Variants in EPB41L3 observed in about 807,000 individuals in gnomAD.
EPB41L3 encodes the protein band 4.1-like protein 3.
EPB41L3 carries 57 observed loss-of-function variants against 127.1 expected under a neutral mutation model. The ratio of observed to expected loss-of-function variants is 0.45; its 90% CI spans 0.36 to 0.56. The LOEUF (loss-of-function observed/expected upper bound fraction) is 0.56, where lower values mean the gene tolerates loss of function less well. Among genes scored for constraint, EPB41L3 ranks in the 20% least tolerant of loss-of-function variants. The probability of loss-of-function intolerance (pLI) is 0.00; values close to 1 mark genes in which losing one functional copy is unlikely to be tolerated. For missense variants in EPB41L3, 1,273 were observed against 1,372.2 expected, an observed-to-expected ratio of 0.93 and a Z score of 1.14; for synonymous variants, 572 against 549.5, an observed-to-expected ratio of 1.04 and a Z score of -0.57.
chr18:5,630,036 G>A (rs567100701), upstream of EPB41L3, among the ~76,000 whole-genome samples: 4 of 152,296 alleles, frequency 2.6e-5, no homozygotes, highest in African/African-American at 9.6e-5. Flanking sequence ...CCGCGCACTA[G>A]CTCTGGGGTT....
chr18:5,404,194 C>A (rs2074987171), intron 16 of EPB41L3, among the ~76,000 whole-genome samples: 1 of 152,194 alleles, frequency 6.6e-6, no homozygotes, highest in South Asian at 2.1e-4. Flanking sequence ...CCCTTTTCCC[C>A]TGGGACTTGA....
At chr18:5,460,485 G>T (rs998386357) in intron 3 of EPB41L3, among the ~76,000 whole-genome samples, 1 of 152,158 alleles carries the variant, frequency 6.6e-6, no homozygotes, top group Non-Finnish European at 1.5e-5. Flanking sequence ...GTATTTGTAC[G>T]TGTGTGTATG....
chr18:5,574,815 C>T (rs150095838), intron 3 of EPB41L3, among the ~76,000 whole-genome samples: 1 of 152,164 alleles, frequency 6.6e-6, no homozygotes, highest in African/African-American at 2.4e-5. Context: ...CAAGACTTTG[C>T]CCCTGTGCAC....
intron 3 of EPB41L3, among the ~76,000 whole-genome samples, chr18:5,602,296 T>C (rs1200575526): frequency 2.6e-5 from 4 of 152,184 alleles, no homozygotes; most frequent in African/African-American, 7.2e-5. Flanking sequence ...CCAGTATTAA[T>C]CATAGCAAAG....
chr18:5,517,005 C>A (rs2092776561), intron 1 of EPB41L3, among the ~76,000 whole-genome samples: 1 of 152,170 alleles, frequency 6.6e-6, no homozygotes, highest in Non-Finnish European at 1.5e-5. Flanking sequence ...CTCACAGATG[C>A]ATGTGAATGT....
chr18:5,472,350 C>T (rs2086310850), intron 3 of EPB41L3, among the ~76,000 whole-genome samples: 1 of 152,288 alleles, frequency 6.6e-6, no homozygotes, highest in East Asian at 1.9e-4. Flanking sequence ...TTCCATCCTC[C>T]AGAGTCCTAG....
At chr18:5,585,568 G>T (rs1281806945) in intron 3 of EPB41L3, among the ~76,000 whole-genome samples, 1 of 152,204 alleles carries the variant, frequency 6.6e-6, no homozygotes, top group Non-Finnish European at 1.5e-5. Context: ...CTATTTAAAA[G>T]ATTCTATTGA....
intron 3 of EPB41L3, among the ~76,000 whole-genome samples, chr18:5,556,169 G>T (rs758487362): frequency 4.6e-5 from 7 of 152,182 alleles, no homozygotes; most frequent in African/African-American, 7.2e-5. Context: ...TTGGAATCAG[G>T]ACAGTACATA....
chr18:5,438,775 T>C (rs1005096911), intron 5 of EPB41L3, among the ~76,000 whole-genome samples: 1 of 152,140 alleles, frequency 6.6e-6, no homozygotes, highest in African/African-American at 2.4e-5. Context: ...CAGATCCTCT[T>C]TATGCTTTGC....
At position 5,438,090 on chromosome 18, in the gene EPB41L3, A is replaced by G. The variant is rs1352651381; in HGVS notation, c.550T>C (p.Phe184Leu). Residue 184 changes from phenylalanine (F) to leucine (L), a missense_variant, in exon 6 of 23, where the codon TTT (phenylalanine) becomes CTT (leucine). By Grantham distance (22) the Phe-to-Leu change is conservative. Around this residue, in one of 3 missense-constraint regions of EPB41L3, gnomAD observed 326 missense variants for 440.2 expected, o/e 0.74. Coordinates refer to ENST00000341928, the MANE Select transcript of EPB41L3 (RefSeq NM_012307.5). ...TCTGGTGGATAAAATTTCACATTAA[A>G]TGAAAAGTGCCAAGCACCACCTGCA... is the stretch of plus-strand genomic sequence containing the variant. ...QVRSGAWHFS[F>L]NVKFYPPDPA... The G allele has an allele frequency of 1.2e-6, 2 of 1,613,828 alleles. No individual in the cohort carries two copies. Among genetic ancestry groups the G allele is most frequent in the East Asian group, 2.2e-5 (1 of 44,868 alleles).
At chr18:5,435,702 G>A (rs866845288) in intron 6 of EPB41L3, among the ~76,000 whole-genome samples, 87 of 152,276 alleles carry the variant, frequency 5.7e-4, no homozygotes, top group African/African-American at 1.9e-3. Flanking sequence ...ACATGACTGT[G>A]TGATTATTAG....
intron 1 of EPB41L3, among the ~76,000 whole-genome samples, chr18:5,494,236 C>T (rs1282630096): frequency 6.6e-6 from 1 of 152,164 alleles, no homozygotes; most frequent in East Asian, 1.9e-4. Context: ...CCTGTCCTCC[C>T]CATTGCAGCA....
chr18:5,475,391 T>C (rs1043347605), intron 3 of EPB41L3, among the ~76,000 whole-genome samples: 1 of 150,032 alleles, frequency 6.7e-6, no homozygotes, highest in African/African-American at 2.4e-5. Flanking sequence ...TGGGTTACCA[T>C]TAGCCCTCCC....
intron 1 of EPB41L3, among the ~76,000 whole-genome samples, chr18:5,489,825 C>A (rs908314336): frequency 6.6e-6 from 1 of 152,214 alleles, no homozygotes; most frequent in Non-Finnish European, 1.5e-5. Flanking sequence ...TCCTTCCCTC[C>A]CAAGTTAATT....
rs62079267 is a variant in EPB41L3 at position 5,614,610 on chromosome 18, G to T, written c.-467-187C>A. 4.0e-5 allele frequency among the ~76,000 whole-genome samples: 6 copies of T among 151,892 alleles called. 1 individual carries two copies. The highest frequency in any genetic ancestry group is 1.4e-4 in the African/African-American group (6 of 41,430). On this transcript the variant is annotated intron_variant, in intron 1 of 21. Coordinates refer to the EPB41L3 transcript ENST00000545076. The stretch of plus-strand genomic sequence containing the variant: ...CCCTCATTGGCTCTTTTGTACCTCT[G>T]CCCTCTGAAGTTGTTGCAAACTTTA...
At chr18:5,559,336 CA>C (rs1433433281) in intron 3 of EPB41L3, among the ~76,000 whole-genome samples, 4 of 152,050 alleles carry the variant, frequency 2.6e-5, no homozygotes, top group Non-Finnish European at 5.9e-5. Flanking sequence ...TTTGCAAAGG[CA>C]AAAAGACAAA....
intron 3 of EPB41L3, among the ~76,000 whole-genome samples, chr18:5,474,453 C>G (rs898549914): frequency 2.0e-5 from 3 of 152,030 alleles, no homozygotes; most frequent in Non-Finnish European, 4.4e-5. Flanking sequence ...CCCACTGTAG[C>G]CTTGTGTGTG....
intron 1 of EPB41L3, among the ~76,000 whole-genome samples, chr18:5,534,878 C>A (rs1038903649): frequency 6.6e-6 from 1 of 152,148 alleles, no homozygotes; most frequent in Non-Finnish European, 1.5e-5. Flanking sequence ...AAATAGAGTA[C>A]TCCTCCCACA....
intron 12 of EPB41L3, among the ~76,000 whole-genome samples, chr18:5,418,427 G>A (rs1218013527): frequency 6.6e-6 from 1 of 152,164 alleles, no homozygotes; most frequent in Non-Finnish European, 1.5e-5. Flanking sequence ...ATACATCCAT[G>A]GGAATCTTAT....
Sources: allele counts gnomAD v4.1 joint callset (sites outside exome capture counted in the v4.1 genomes callset), GRCh38; gene constraint gnomAD v4.1.1; regional missense constraint gnomAD v4.1.1; transcripts MANE v1.5; gene names NCBI Gene and HGNC (gene_info 2026-07-23, HGNC 2026-07-21).